Variants in ALOX5 observed in about 807,000 individuals in gnomAD.
The protein encoded by ALOX5 is arachidonate 5-lipoxygenase.
A neutral mutation model predicts 87.9 loss-of-function variants in ALOX5; 64 were observed. That is an observed-to-expected ratio of 0.73 (90% CI 0.60 to 0.90). The LOEUF (loss-of-function observed/expected upper bound fraction) is 0.90, where lower values mean the gene tolerates loss of function less well. Ranked by LOEUF, ALOX5 falls within the 40% of genes least tolerant of loss-of-function variation. The pLI, the probability that ALOX5 is intolerant of heterozygous loss-of-function variation, is 0.00. For missense variants in ALOX5, 822 were observed against 907.5 expected (o/e 0.91, Z 1.21); for synonymous variants, 388 against 355.1 (o/e 1.09, Z -1.04).
At chr10:45,395,675 C>T (rs1482314215) in intron 2 of ALOX5, among the ~76,000 whole-genome samples, 180 bp from the exon 3 acceptor site, 1 of 151,928 alleles carries the variant, frequency 6.6e-6, no homozygotes, top group South Asian at 2.1e-4. Context: ...CAAAGCTACA[C>T]AACTTCCCTA....
chr10:45,442,030 T>C lies in ALOX5; in HGVS notation c.1272+600T>C, dbSNP rs183724547. 1.5e-3 allele frequency among the ~76,000 whole-genome samples: 229 copies of C among 152,224 alleles called. 1 individual carries two copies. Among genetic ancestry groups the C allele is most frequent in the African/African-American group, 4.2e-3 (174 of 41,534 alleles). ...TGACCAGGCCAGATGACCACTGAAGTTGAGACACTGTTTGGGCTGCAAATG... is the reference window on the plus strand; with the variant it reads ...TGACCAGGCCAGATGACCACTGAAGCTGAGACACTGTTTGGGCTGCAAATG... On this transcript the variant is annotated intron_variant, in intron 9 of 13. Transcript: ENST00000374391.
chr10:45,405,588 A>G (rs114522915), intron 3 of ALOX5, among the ~76,000 whole-genome samples: 3,954 of 152,212 alleles, frequency 0.026, 191 homozygotes, highest in African/African-American at 0.091. Flanking sequence ...TTATTTTATT[A>G]ACTATGTATT....
chr10:45,430,789 A>G (rs1311295597), intron 7 of ALOX5, among the ~76,000 whole-genome samples: 2 of 152,206 alleles, frequency 1.3e-5, no homozygotes, highest in Non-Finnish European at 2.9e-5. Context: ...GATTGGAAAC[A>G]GACCTACACA....
intron 8 of ALOX5, 66 bp from the exon 9 acceptor site, chr10:45,441,278 G>C: frequency 7.0e-7 from 1 of 1,434,202 alleles, no homozygotes; most frequent in South Asian, 1.2e-5. Context: ...GGGGAGCTGC[G>C]GGTCCCTGAG....
intron 7 of ALOX5, among the ~76,000 whole-genome samples, chr10:45,438,464 G>C (rs574365364): frequency 6.6e-6 from 1 of 152,154 alleles, no homozygotes; most frequent in East Asian, 1.9e-4. Context: ...ACAACAGGGG[G>C]GCTCCTCGGC....
chr10:45,412,153 G>A (rs1841086518), intron 3 of ALOX5, 38 bp from the exon 4 acceptor site: 1 of 1,613,350 alleles, frequency 6.2e-7, no homozygotes, highest in Admixed American at 1.7e-5. Flanking sequence ...ACCAAAGGCT[G>A]GCATTTAACT....
At chr10:45,376,312 G>A (rs1262776426) in intron 1 of ALOX5, among the ~76,000 whole-genome samples, 1 of 145,690 alleles carries the variant, frequency 6.9e-6, no homozygotes, top group East Asian at 2.2e-4. Flanking sequence ...TGGGTTGAGA[G>A]GGCTATAAGT....
chr10:45,393,820 CAGAG>C (rs1260285089), intron 2 of ALOX5, among the ~76,000 whole-genome samples: 1 of 152,250 alleles, frequency 6.6e-6, no homozygotes, highest in African/African-American at 2.4e-5. Flanking sequence ...AACAGACAAA[CAGAG>C]AGCCAAATCA....
intron 4 of ALOX5, among the ~76,000 whole-genome samples, chr10:45,413,068 G>A (rs1187672983): frequency 6.6e-6 from 1 of 152,148 alleles, no homozygotes; most frequent in Non-Finnish European, 1.5e-5. Context: ...TAGAAAAAGA[G>A]GGAATCCTCC....
chr10:45,421,048 A>G (rs1841488350), intron 4 of ALOX5, among the ~76,000 whole-genome samples: 1 of 152,210 alleles, frequency 6.6e-6, no homozygotes, highest in Admixed American at 6.5e-5. Context: ...AGGCCAGGTG[A>G]TCAAGGTGGC....
At position 45,374,259 on chromosome 10, in the gene ALOX5, G is replaced by T; in HGVS notation, c.-21G>T. ...CGCCGCGCCGAGGCTCCCGGCGCTCGCTGCTCCCGCGGCCCGCGCCATGCC... is the reference window on the plus strand; with the variant it reads ...CGCCGCGCCGAGGCTCCCGGCGCTCTCTGCTCCCGCGGCCCGCGCCATGCC... On this transcript the variant is annotated 5_prime_UTR_variant, in exon 1 of 14. Coordinates refer to ENST00000374391, the MANE Select transcript of ALOX5 (RefSeq NM_000698.5). 1 of 1,456,810 alleles carries T rather than the reference G, an allele frequency of 6.9e-7. No individual in the cohort carries two copies. 90.2% of individuals were successfully genotyped at this position (1,456,810 alleles called of 1,614,324 possible).
chr10:45,430,563 G>A (rs1841873885), intron 7 of ALOX5, among the ~76,000 whole-genome samples: 1 of 151,866 alleles, frequency 6.6e-6, no homozygotes, highest in African/African-American at 2.4e-5. Context: ...AGGCTGTAGT[G>A]TGCTATGATC....
intron 2 of ALOX5, among the ~76,000 whole-genome samples, chr10:45,393,831 A>G (rs1284244803): frequency 6.6e-6 from 1 of 152,248 alleles, no homozygotes; most frequent in Non-Finnish European, 1.5e-5. Context: ...AGAGAGCCAA[A>G]TCAGGAGTGA....
chr10:45,399,606 C>A (rs1564423313), intron 3 of ALOX5, among the ~76,000 whole-genome samples: 1 of 152,006 alleles, frequency 6.6e-6, no homozygotes, highest in Non-Finnish European at 1.5e-5. Flanking sequence ...AGATATGGCA[C>A]CAAGAGCACA....
intron 4 of ALOX5, among the ~76,000 whole-genome samples, chr10:45,416,175 T>C (rs1841283954): frequency 1.3e-5 from 2 of 152,150 alleles, no homozygotes; most frequent in South Asian, 4.1e-4. Flanking sequence ...TATTTTAAGC[T>C]TCATGGCCAT....
At chr10:45,424,236 T>C (rs1841613951) in intron 5 of ALOX5, 89 bp downstream of exon 5, 1 of 1,140,718 alleles carries the variant, frequency 8.8e-7, no homozygotes, top group African/African-American at 1.5e-5. Flanking sequence ...GACAAGGGCC[T>C]TCCTGCCTGC....
rs141432923 is a variant in ALOX5, at chr10:45,401,593, C to G, written c.431+5657C>G. Among the ~76,000 whole-genome samples the G allele has an allele frequency of 3.7e-3, 559 of 152,204 alleles. 2 individuals carry two copies. Among genetic ancestry groups the G allele is most frequent in the African/African-American group, 0.013 (534 of 41,516 alleles). ...CATATTTTCAAAATCTCATCATAAACATTATTCTAGTTTCTATGTACTATT... is the reference window on the plus strand; with the variant it reads ...CATATTTTCAAAATCTCATCATAAAGATTATTCTAGTTTCTATGTACTATT... On this transcript the variant is annotated intron_variant, in intron 3 of 13. Coordinates refer to ENST00000374391, the MANE Select transcript of ALOX5 (RefSeq NM_000698.5).
chr10:45,409,981 G>A (rs1475545033), intron 3 of ALOX5, among the ~76,000 whole-genome samples: 1 of 152,240 alleles, frequency 6.6e-6, no homozygotes, highest in African/African-American at 2.4e-5. Flanking sequence ...AGGGCATGGG[G>A]CAAGAAGGTC....
At chr10:45,424,850 C>T (rs1841639685) in intron 5 of ALOX5, 110 bp from the exon 6 acceptor site, 5 of 1,365,838 alleles carry the variant, frequency 3.7e-6, no homozygotes, top group Non-Finnish European at 5.1e-6. Context: ...AGGGAGCACT[C>T]GGGAGAGGAG....
Sources: gnomAD v4.1 joint callset for allele counts (sites outside exome capture counted in the v4.1 genomes callset) on GRCh38, gnomAD v4.1.1 for gene constraint, MANE v1.5 for transcripts, NCBI Gene and HGNC (gene_info 2026-07-23, HGNC 2026-07-21) for gene names.